Variants in KIF16B observed in about 807,000 individuals in gnomAD.
The protein encoded by KIF16B is kinesin family member 16B, also known as kinesin-like protein KIF16B.
KIF16B carries 98 observed loss-of-function variants against 156.3 expected under a neutral mutation model. The ratio of observed to expected loss-of-function variants is 0.63; its 90% CI spans 0.53 to 0.74. KIF16B has a LOEUF of 0.74. Ranked by LOEUF, KIF16B falls within the 30% of genes least tolerant of loss-of-function variation. KIF16B has a pLI of 0.00. For missense variants in KIF16B, 1,421 were observed against 1,606.5 expected (o/e 0.88, Z 1.97); for synonymous variants, 564 against 583.7 (o/e 0.97, Z 0.49).
In KIF16B at chr20:16,504,514, G is replaced by T. The variant is rs2068718755; in HGVS notation, c.1034C>A (p.Thr345Asn). The change falls in exon 10 of 26, where the codon ACC becomes AAC. Residue 345 changes from threonine to asparagine, a missense_variant. Transcript: ENST00000354981. The part of the protein sequence containing the change: ...ISPADVNYGE[T>N]LSTLRYANRA... ...ATTTGCATAGCGAAGAGTACTTAGG[G>T]TTTCTCCATAATTGACATCAGCAGG... is the stretch of plus-strand genomic sequence containing the variant. 2 of 1,613,804 alleles carry T rather than the reference G, an allele frequency of 1.2e-6. No homozygotes were observed. Among genetic ancestry groups the T allele is most frequent in the African/African-American group, 2.7e-5 (2 of 74,884 alleles).
intron 24 of KIF16B, among the ~76,000 whole-genome samples, chr20:16,318,046 G>A (rs1223753502): frequency 6.6e-6 from 1 of 152,198 alleles, no homozygotes; most frequent in African/African-American, 2.4e-5. Flanking sequence ...GGTGAAAACA[G>A]TTTCAGGACA....
intron 12 of KIF16B, among the ~76,000 whole-genome samples, chr20:16,483,303 G>A (rs150266407): frequency 1.1e-3 from 160 of 152,144 alleles, no homozygotes; most frequent in African/African-American, 3.5e-3. Flanking sequence ...ATAAACCCCT[G>A]TACCATATAA....
intron 18 of KIF16B, 127 bp downstream of exon 18, chr20:16,381,566 TA>T (rs2065097142): frequency 1.9e-6 from 1 of 537,972 alleles, no homozygotes; most frequent in South Asian, 5.3e-5. Context: ...ATTAGACATG[TA>T]AATAACAGAT....
chr20:16,434,262 C>G (rs915250483), intron 12 of KIF16B, among the ~76,000 whole-genome samples: 1 of 152,170 alleles, frequency 6.6e-6, no homozygotes, highest in Admixed American at 6.5e-5. Context: ...CTGCCCCTTC[C>G]GGTGGCTCTG....
chr20:16,419,096 T>A (rs1308394738), intron 15 of KIF16B, among the ~76,000 whole-genome samples: 1 of 152,156 alleles, frequency 6.6e-6, no homozygotes, highest in Non-Finnish European at 1.5e-5. Context: ...AATTTGCATA[T>A]CTAACAAGTT....
intron 15 of KIF16B, among the ~76,000 whole-genome samples, chr20:16,422,193 TCTAA>T (rs1488075525): frequency 6.6e-6 from 1 of 152,138 alleles, no homozygotes; most frequent in Non-Finnish European, 1.5e-5. Flanking sequence ...AACAATTTCT[TCTAA>T]CTAACTAAAT....
In KIF16B at chr20:16,273,139, C is replaced by T. The variant is rs770384338; in HGVS notation, c.*114G>A. ...GTGGCCCGGGCCCGCTGCTGCATGT[C>T]TGTCTTCAGCAGGAGGAGGCAGACC... On this transcript the variant is annotated 3_prime_UTR_variant, in exon 26 of 26. Transcript: ENST00000354981. 1.4e-5 allele frequency: 12 copies of T among 879,756 alleles called. No homozygotes were observed. Among genetic ancestry groups the T allele is most frequent in the African/African-American group, 1.7e-5 (1 of 60,058 alleles). 54.5% of individuals were successfully genotyped at this position (879,756 alleles called of 1,614,324 possible).
chr20:16,573,363 C>G lies in KIF16B; in HGVS notation c.-88G>C. ...CGCTGGCTACTCAGATCGCGGCTCC[C>G]GCCCACTTCCCTCTCGCCCCCGCCC... On this transcript the variant is annotated 5_prime_UTR_variant, in exon 1 of 26. Transcript: ENST00000354981. 1.4e-6 allele frequency: 2 copies of G among 1,422,106 alleles called. No individual in the cohort carries two copies. Among genetic ancestry groups the G allele is most frequent in the Non-Finnish European group, 1.9e-6 (2 of 1,030,460 alleles). The allele number at this position is 1,422,106 out of a possible 1,614,324, so 88.1% of individuals were successfully genotyped here.
intron 24 of KIF16B, among the ~76,000 whole-genome samples, chr20:16,317,379 G>A (rs1568844627): frequency 6.6e-6 from 1 of 152,156 alleles, no homozygotes; most frequent in South Asian, 2.1e-4. Context: ...ATTCTACAGC[G>A]TCTCAGGTAA....
At position 16,485,550 on chromosome 20, in the gene KIF16B, T is replaced by C. The variant is rs149188628; in HGVS notation, c.1302+8741A>G. Among the ~76,000 whole-genome samples, 3 of 147,824 alleles carry C rather than the reference T, an allele frequency of 2.0e-5. No individual in the cohort carries two copies. The East Asian group carries it at 5.8e-4, about 29-fold the overall frequency. ...ACTGAGAGAATGACAAACATATGGA[T>C]AGTTACAACACATGAAGGATCAAAT... On this transcript the variant is annotated intron_variant, in intron 12 of 25. Coordinates refer to ENST00000354981, the MANE Select transcript of KIF16B (RefSeq NM_024704.5).
chr20:16,294,254 G>A (rs1371710059), intron 25 of KIF16B, among the ~76,000 whole-genome samples: 1 of 152,180 alleles, frequency 6.6e-6, no homozygotes, highest in Non-Finnish European at 1.5e-5. Context: ...AACAGTCAGA[G>A]AAGATACATG....
intron 19 of KIF16B, among the ~76,000 whole-genome samples, chr20:16,377,789 T>C (rs1199713674): frequency 6.6e-6 from 1 of 152,150 alleles, no homozygotes; most frequent in African/African-American, 2.4e-5. Context: ...TCTTCAAGGC[T>C]CCAGAAAAGG....
In KIF16B at chr20:16,442,942, G is replaced by T. The variant is rs547425855; in HGVS notation, c.1303-12960C>A. ...TACACTGCCCATGGCAAGGCACGCT[G>T]GTGAGTAGGTAAAGACCATCCCCTA... On this transcript the variant is annotated intron_variant, in intron 12 of 25. Transcript: ENST00000354981. 2.6e-5 allele frequency among the ~76,000 whole-genome samples: 4 copies of T among 152,278 alleles called. No homozygotes were observed. In the South Asian group the frequency reaches 8.3e-4, roughly 32 times the overall value.
intron 23 of KIF16B, among the ~76,000 whole-genome samples, chr20:16,347,641 A>T (rs954457274): frequency 1.3e-5 from 2 of 152,198 alleles, no homozygotes; most frequent in African/African-American, 4.8e-5. Context: ...TAAATTTTTT[A>T]AAAATCCTAG....
intron 12 of KIF16B, among the ~76,000 whole-genome samples, chr20:16,467,713 AG>A (rs201171712): frequency 5.6e-5 from 7 of 124,822 alleles, no homozygotes; most frequent in Middle Eastern, 3.8e-3. Flanking sequence ...AAGTTTTAAT[AG>A]GGGGGAAAAA....
chr20:16,375,770 T>C (rs187835287), intron 19 of KIF16B, among the ~76,000 whole-genome samples: 1 of 151,898 alleles, frequency 6.6e-6, no homozygotes, highest in East Asian at 1.9e-4. Context: ...TTGTTAAGAA[T>C]TGTCCTTCAG....
chr20:16,467,040 C>A (rs1343883636), intron 12 of KIF16B, among the ~76,000 whole-genome samples: 5 of 152,224 alleles, frequency 3.3e-5, no homozygotes, highest in Non-Finnish European at 5.9e-5. Flanking sequence ...TATGGCAGGG[C>A]ATTCTGTTCT....
chr20:16,413,882 G>A (rs1398629836), intron 15 of KIF16B, among the ~76,000 whole-genome samples: 1 of 152,044 alleles, frequency 6.6e-6, no homozygotes, highest in Non-Finnish European at 1.5e-5. Context: ...TTGAGTGAGA[G>A]GCTGAACTGA....
intron 1 of KIF16B, among the ~76,000 whole-genome samples, chr20:16,545,248 AG>A (rs2070360379): frequency 6.6e-6 from 1 of 152,278 alleles, no homozygotes; most frequent in African/African-American, 2.4e-5. Context: ...ATGGAAATTT[AG>A]GCCGGGTGCA....
Sources: allele counts gnomAD v4.1 joint callset (sites outside exome capture counted in the v4.1 genomes callset), GRCh38; gene constraint gnomAD v4.1.1; transcripts MANE v1.5; gene names NCBI Gene and HGNC (gene_info 2026-07-23, HGNC 2026-07-21).